The following TTC39A variants were observed in gnomAD, a reference collection of about 807,000 sequenced individuals.
TTC39A encodes tetratricopeptide repeat protein 39A.
Under a neutral mutation model 82.3 loss-of-function variants are expected in TTC39A, and 46 were observed. The ratio of observed to expected loss-of-function variants is 0.56; its 90% CI spans 0.44 to 0.71. TTC39A has a LOEUF of 0.71. Ranked by LOEUF, TTC39A falls within the 30% of genes least tolerant of loss-of-function variation. TTC39A has a pLI of 0.00. For missense variants in TTC39A, 543 were observed against 712.9 expected (o/e 0.76, Z 2.71); for synonymous variants, 254 against 275.2 (o/e 0.92, Z 0.76).
At chr1:51,322,721 A>G (rs1645574415) in intron 1 of TTC39A, among the ~76,000 whole-genome samples, 1 of 152,184 alleles carries the variant, frequency 6.6e-6, no homozygotes, top group Non-Finnish European at 1.5e-5. Context: ...TGCCTATTTG[A>G]TGTTTTGATA....
intron 12 of TTC39A, 21 bp from the exon 13 acceptor site, chr1:51,296,191 G>A (rs764859006): frequency 1.1e-5 from 17 of 1,571,286 alleles, no homozygotes; most frequent in African/African-American, 2.7e-5. Context: ...CAGAGCAACA[G>A]CCAGGTGTGA....
intron 2 of TTC39A, among the ~76,000 whole-genome samples, chr1:51,313,359 A>G (rs1031339817): frequency 6.6e-6 from 1 of 152,104 alleles, no homozygotes; most frequent in East Asian, 1.9e-4. Context: ...GATCCTGTTT[A>G]GCCCAAACCC....
intron 14 of TTC39A, among the ~76,000 whole-genome samples, chr1:51,291,011 C>T (rs889535139): frequency 6.6e-6 from 1 of 152,212 alleles, no homozygotes; most frequent in Non-Finnish European, 1.5e-5. Flanking sequence ...TCCATACACA[C>T]ATTTCAGGAC....
chr1:51,330,670 C>T (rs1162219842), upstream of TTC39A: 7 of 962,000 alleles, frequency 7.3e-6, no homozygotes, highest in Admixed American at 1.8e-4. This position sits in a 1 kb window ranked among gnomAD's most constrained non-coding sequence, Gnocchi z 4.5. Flanking sequence ...CATGGCCGCC[C>T]GCGGCGACCC....
intron 2 of TTC39A, among the ~76,000 whole-genome samples, chr1:51,314,634 T>C (rs915340319): frequency 1.3e-5 from 2 of 152,228 alleles, no homozygotes; most frequent in African/African-American, 4.8e-5. Context: ...ACTCTCTGGA[T>C]GCTCCCAGGC....
chr1:51,303,232 C>A, intron 8 of TTC39A, 40 bp from the exon 9 acceptor site: 1 of 1,519,594 alleles, frequency 6.6e-7, no homozygotes, highest in South Asian at 1.2e-5. Flanking sequence ...CCAGAGAGGG[C>A]AGGGGCCTGG....
At chr1:51,312,753 C>T in intron 3 of TTC39A, 59 bp downstream of exon 3, 4 of 1,587,342 alleles carry the variant, frequency 2.5e-6, no homozygotes, top group Non-Finnish European at 3.4e-6. Flanking sequence ...CTGGAATGGG[C>T]CAGGGTGACA....
At chr1:51,331,901 A>T, upstream of TTC39A, 1 of 825,744 alleles carries the variant, frequency 1.2e-6, no homozygotes, top group Non-Finnish European at 1.5e-6. Context: ...AACTGAAGTC[A>T]TGGAGAGGGT....
chr1:51,331,376 C>T (rs761252041), upstream of TTC39A: 13 of 1,475,302 alleles, frequency 8.8e-6, no homozygotes, highest in Admixed American at 2.2e-5. Context: ...AAGAGTTAAC[C>T]AGTCACCATC....
intron 13 of TTC39A, 101 bp downstream of exon 13, chr1:51,295,978 C>G (rs1644403622): frequency 7.4e-7 from 1 of 1,355,404 alleles, no homozygotes; most frequent in East Asian, 2.5e-5. Context: ...CCTACTCCTC[C>G]CTCCCCAGTG....
At chr1:51,324,364 C>T (rs543908176) in intron 1 of TTC39A, among the ~76,000 whole-genome samples, 55 of 152,174 alleles carry the variant, frequency 3.6e-4, no homozygotes, top group African/African-American at 1.2e-3. Context: ...GTTGAGTGGC[C>T]GTTGAAACTC....
intron 2 of TTC39A, among the ~76,000 whole-genome samples, chr1:51,317,798 C>A (rs1170455742): frequency 6.6e-6 from 1 of 152,156 alleles, no homozygotes; most frequent in Non-Finnish European, 1.5e-5. Context: ...GGATCCTTTT[C>A]TGGAATAAGG....
intron 1 of TTC39A, among the ~76,000 whole-genome samples, chr1:51,344,307 T>C (rs1198613913): frequency 2.6e-5 from 4 of 152,118 alleles, no homozygotes; most frequent in Non-Finnish European, 5.9e-5. Context: ...AGGGAAGGGC[T>C]GAACCTCAGA....
At chr1:51,341,700 C>A (rs1260035407) in intron 1 of TTC39A, among the ~76,000 whole-genome samples, 1 of 152,000 alleles carries the variant, frequency 6.6e-6, no homozygotes, top group Admixed American at 6.6e-5. Flanking sequence ...GGATTAAAAG[C>A]TTCAACACAC....
rs1159417164 is a variant in TTC39A, at chr1:51,312,940, G to T, written c.150C>A (p.Thr50=). 3.1e-6 allele frequency: 5 copies of T among 1,613,158 alleles called. No homozygotes were observed. The highest frequency in any genetic ancestry group is 3.4e-6 in the Non-Finnish European group (4 of 1,179,446). Residue 50 remains threonine, a synonymous_variant, in exon 3 of 18, where the codon ACC becomes ACA. Coordinates refer to ENST00000680483, the MANE Select transcript of TTC39A (RefSeq NM_001297663.2). ...TCAGTGAGTGGTACATGCTTTCCTT[G>T]GTTCTGCCAAAGAGAAGAGACGTTG... is the stretch of plus-strand genomic sequence containing the variant. The part of the protein sequence containing the change: ...SEALSYLKPR[T]KESMYHSLTY...
chr1:51,309,530 C>T, intron 5 of TTC39A: 1 of 1,273,528 alleles, frequency 7.9e-7, no homozygotes, highest in Non-Finnish European at 1.0e-6. Context: ...CTCCCAGGTA[C>T]ACATACTCTG....
chr1:51,322,322 A>G, intron 1 of TTC39A: 1 of 1,400,978 alleles, frequency 7.1e-7, no homozygotes. Flanking sequence ...AGCAGCCCCA[A>G]ACGAGAGGCC....
chr1:51,318,194 G>A (rs888656742), intron 2 of TTC39A, among the ~76,000 whole-genome samples: 1 of 152,304 alleles, frequency 6.6e-6, no homozygotes, highest in African/African-American at 2.4e-5. Flanking sequence ...GTGTGGGACC[G>A]GCTGAGCAGC....
At chr1:51,331,826 G>A, upstream of TTC39A, 1 of 985,248 alleles carries the variant, frequency 1.0e-6, no homozygotes. Flanking sequence ...CAAGGGGAGA[G>A]ACTGGGGAGC....
Sources: allele counts gnomAD v4.1 joint callset (sites outside exome capture counted in the v4.1 genomes callset), GRCh38; gene constraint gnomAD v4.1.1; non-coding constraint Gnocchi (gnomAD v3.1); transcripts MANE v1.5; gene names NCBI Gene and HGNC (gene_info 2026-07-23, HGNC 2026-07-21).